TJP2: variants seen among roughly 807,000 people sequenced by gnomAD.
TJP2 encodes tight junction protein 2.
In TJP2, 91 loss-of-function variants were observed where a neutral mutation model predicts 133.1. The observed-to-expected ratio is 0.68, with a 90% CI of 0.58 to 0.81. The LOEUF is 0.81. Ranked by LOEUF, TJP2 falls within the 40% of genes least tolerant of loss-of-function variation. The pLI, the probability that TJP2 is intolerant of heterozygous loss-of-function variation, is 0.00. For missense variants in TJP2, 1,541 were observed against 1,565.6 expected (o/e 0.98, Z 0.26); for synonymous variants, 592 against 583.4 (o/e 1.01, Z -0.21).
chr9:69,149,917 A>T (rs1012383827), intron 1 of TJP2, among the ~76,000 whole-genome samples: 2 of 152,172 alleles, frequency 1.3e-5, no homozygotes, highest in Non-Finnish European at 2.9e-5. Flanking sequence ...TAGGAGGCCA[A>T]GGTGGATGGA....
chr9:69,243,693 A>G (rs1006163140), intron 17 of TJP2, among the ~76,000 whole-genome samples: 1 of 152,208 alleles, frequency 6.6e-6, no homozygotes, highest in Non-Finnish European at 1.5e-5. Flanking sequence ...TAGAATTTTA[A>G]TTCCTGATTT....
rs376280878 is a variant in TJP2 at position 69,234,480 on chromosome 9, C to T, written c.1713C>T (p.Ala571=). Residue 571 remains alanine, a synonymous_variant, in exon 12 of 23, where the codon GCC becomes GCT. Coordinates refer to ENST00000377245, the MANE Select transcript of TJP2 (RefSeq NM_004817.4). ...TCAGAGGATTAGTGCGGGAGGATGC[C>T]GTTCTCTACCTGTTAGAAATCCCTA... is the stretch of plus-strand genomic sequence containing the variant. ...QDFRGLVRED[A]VLYLLEIPKG... is the part of the protein sequence containing the mutation. 8.8e-6 allele frequency: 14 copies of T among 1,591,450 alleles called. No homozygotes were observed. Among genetic ancestry groups the T allele is most frequent in the South Asian group, 3.3e-5 (3 of 90,150 alleles).
At position 69,221,123 on chromosome 9, in the gene TJP2, G is replaced by T. The variant is rs1224761362; in HGVS notation, c.579G>T (p.Arg193=). ...GGAGCCGGGAGCGGGACCTCAGCCG[G>T]GACCGGAGCCGTGGCCGGAGCCTGG... ...RARSRERDLS[R]DRSRGRSLER... Residue 193 remains arginine (R), a synonymous_variant, in exon 5 of 23, where the codon CGG becomes CGT. Coordinates refer to ENST00000377245, the MANE Select transcript of TJP2 (RefSeq NM_004817.4). 6.3e-6 allele frequency: 10 copies of T among 1,587,556 alleles called. No homozygotes were observed. In the East Asian group the frequency reaches 2.3e-4, roughly 37 times the overall value.
chr9:69,133,185 C>T (rs927924625), intron 1 of TJP2, among the ~76,000 whole-genome samples: 5 of 152,168 alleles, frequency 3.3e-5, no homozygotes, highest in African/African-American at 7.2e-5. Flanking sequence ...TGGTCTCGAA[C>T]GCTTGAGCTC....
intron 1 of TJP2, among the ~76,000 whole-genome samples, chr9:69,186,658 T>C (rs965763998): frequency 6.6e-6 from 1 of 152,240 alleles, no homozygotes; most frequent in Non-Finnish European, 1.5e-5. Context: ...ATTGACCTAA[T>C]TCACTCCTTT....
chr9:69,229,739 CTG>C (rs1391813860), intron 10 of TJP2, among the ~76,000 whole-genome samples: 2 of 152,312 alleles, frequency 1.3e-5, no homozygotes, highest in African/African-American at 4.8e-5. Context: ...TGTACCCAGA[CTG>C]TGTCTTTATT....
chr9:69,168,886 T>G (rs1453363774), intron 2 of TJP2, among the ~76,000 whole-genome samples: 1 of 149,598 alleles, frequency 6.7e-6, no homozygotes, highest in Non-Finnish European at 1.5e-5. Context: ...TAGATGCCGC[T>G]CTCCTGGAGG....
chr9:69,158,951 G>A (rs1359245259), intron 2 of TJP2, among the ~76,000 whole-genome samples: 2 of 151,554 alleles, frequency 1.3e-5, no homozygotes, highest in African/African-American at 2.4e-5. Context: ...TGTGTAGTGA[G>A]ATTAGGCAAT....
chr9:69,248,409 G>GTTTTTTAATGATA, intron 19 of TJP2, 185 bp downstream of exon 19: 1 of 1,433,954 alleles, frequency 7.0e-7, no homozygotes, highest in Non-Finnish European at 9.2e-7. Flanking sequence ...AGTGGGGCAG[G>GTTTTTTAATGATA]CAGGTGGACT....
chr9:69,225,370 A>G lies in TJP2; in HGVS notation c.1019A>G (p.Lys340Arg). The G allele has an allele frequency of 6.2e-7, 1 of 1,613,954 alleles. No individual in the cohort carries two copies. Among genetic ancestry groups the G allele is most frequent in the Non-Finnish European group, 8.5e-7 (1 of 1,179,904 alleles). ...KEMTRTGLAT[K>R]DGNLHEGDII... Reference sequence around the variant, plus strand: ...ATGACCCGAACGGGTCTGGCAACTAAAGATGGCAACCTTCACGAAGGAGAC... The same window carrying G: ...ATGACCCGAACGGGTCTGGCAACTAGAGATGGCAACCTTCACGAAGGAGAC... The change falls in exon 6 of 23, where the codon AAA (lysine) becomes AGA (arginine). Residue 340 changes from lysine to arginine, a missense_variant. By Grantham distance (26) the Lys-to-Arg change is conservative. Coordinates refer to ENST00000377245, the MANE Select transcript of TJP2 (RefSeq NM_004817.4).
intron 1 of TJP2, among the ~76,000 whole-genome samples, chr9:69,137,455 C>T (rs951498361): frequency 6.6e-5 from 10 of 150,566 alleles, no homozygotes; most frequent in Non-Finnish European, 8.9e-5. Flanking sequence ...GTCTGCCTCC[C>T]AGGCTCAAAC....
intron 1 of TJP2, among the ~76,000 whole-genome samples, chr9:69,138,363 A>C (rs73647086): frequency 0.019 from 2,885 of 152,182 alleles, 99 homozygotes; most frequent in African/African-American, 0.066. Context: ...GGTTTGCTAT[A>C]AAGTATATAA....
At chr9:69,212,701 T>C (rs1024967852) in intron 2 of TJP2, 100 bp downstream of exon 2, 1 of 959,384 alleles carries the variant, frequency 1.0e-6, no homozygotes, top group Non-Finnish European at 1.7e-6. Context: ...GGCTTTTTTT[T>C]TCCCTTGAGG....
chr9:69,187,599 G>A (rs568182564), intron 1 of TJP2, among the ~76,000 whole-genome samples: 1 of 152,332 alleles, frequency 6.6e-6, no homozygotes, highest in South Asian at 2.1e-4. Flanking sequence ...TGTAAAAAAT[G>A]TCCTCAATTA....
chr9:69,156,595 G>A (rs919639873), intron 2 of TJP2, among the ~76,000 whole-genome samples: 1 of 136,020 alleles, frequency 7.4e-6, no homozygotes, highest in African/African-American at 2.8e-5. Context: ...GCTGTGGCGC[G>A]ATCTCCGCTC....
At chr9:69,181,470 G>A (rs1399787895) in intron 1 of TJP2, among the ~76,000 whole-genome samples, 2 of 152,002 alleles carry the variant, frequency 1.3e-5, no homozygotes, top group Non-Finnish European at 2.9e-5. Flanking sequence ...GGCTGGTCTC[G>A]AACTCCTGAG....
intron 3 of TJP2, among the ~76,000 whole-genome samples, chr9:69,217,559 C>T (rs553789819): frequency 2.0e-5 from 3 of 152,176 alleles, no homozygotes; most frequent in East Asian, 1.9e-4. Context: ...TGTACCTACT[C>T]GGGTCCCAGC....
chr9:69,123,128 A>G (rs982336514), intron 1 of TJP2, among the ~76,000 whole-genome samples: 1 of 152,048 alleles, frequency 6.6e-6, no homozygotes, highest in Admixed American at 6.5e-5. Context: ...GTTGGAGTGA[A>G]GTTTTCTGTC....
At chr9:69,223,649 T>TG (rs1225573567) in intron 5 of TJP2, among the ~76,000 whole-genome samples, 3 of 135,686 alleles carry the variant, frequency 2.2e-5, no homozygotes, top group African/African-American at 9.9e-5. Context: ...TGTTGAAAAA[T>TG]GCCAGAGAGA....
Sources: allele counts gnomAD v4.1 joint callset (sites outside exome capture counted in the v4.1 genomes callset), GRCh38; gene constraint gnomAD v4.1.1; transcripts MANE v1.5; gene names NCBI Gene and HGNC (gene_info 2026-07-23, HGNC 2026-07-21).